Variants in GOLM2 observed in about 807,000 individuals in gnomAD.
GOLM2 encodes the protein protein GOLM2.
In GOLM2, 26 loss-of-function variants were observed where a neutral mutation model predicts 55.9. That is an observed-to-expected ratio of 0.47 (90% CI 0.34 to 0.65). The LOEUF is 0.65. Among genes scored for constraint, GOLM2 ranks in the 30% least tolerant of loss-of-function variants. The pLI is 0.01. For missense variants in GOLM2, 486 were observed against 531.8 expected, an observed-to-expected ratio of 0.91 and a Z score of 0.85; for synonymous variants, 165 against 194.6, an observed-to-expected ratio of 0.85 and a Z score of 1.27.
At chr15:44,411,887 A>G (rs2079640917) in intron 9 of GOLM2, among the ~76,000 whole-genome samples, 1 of 152,140 alleles carries the variant, frequency 6.6e-6, no homozygotes, top group South Asian at 2.1e-4. Context: ...GCTCTCATCA[A>G]AATACTTTTC....
Position 44,371,041 on chromosome 15 carries a change from A to G in GOLM2, c.803-8649A>G, listed in dbSNP as rs567829778. On this transcript the variant is annotated intron_variant, in intron 6 of 9. Coordinates refer to ENST00000299957, the MANE Select transcript of GOLM2 (RefSeq NM_138423.4). ...CCATGAAGTCTCACCCTGTGCATACACAACCTGGGGCTTGGCCAAAGACCT... is the reference window on the plus strand; with the variant it reads ...CCATGAAGTCTCACCCTGTGCATACGCAACCTGGGGCTTGGCCAAAGACCT... Among the ~76,000 whole-genome samples the G allele has an allele frequency of 3.3e-5, 5 of 152,264 alleles. No individual in the cohort carries two copies. The South Asian group carries it at 1.0e-3, about 32-fold the overall frequency.
At chr15:44,369,226 GTGTGTGTGTTTGTA>G (rs1177522378) in intron 6 of GOLM2, among the ~76,000 whole-genome samples, 3 of 144,158 alleles carry the variant, frequency 2.1e-5, no homozygotes, top group African/African-American at 7.8e-5. Context: ...GTGTGTGTGT[GTGTGTGTGTTTGTA>G]TGTGTGTATA....
At chr15:44,346,346 T>C (rs2079124472) in intron 6 of GOLM2, among the ~76,000 whole-genome samples, 1 of 151,490 alleles carries the variant, frequency 6.6e-6, no homozygotes, top group African/African-American at 2.4e-5. Context: ...CTAAATTCCA[T>C]TCCAGAGATT....
intron 6 of GOLM2, among the ~76,000 whole-genome samples, chr15:44,360,349 T>A (rs1021950104): frequency 2.7e-4 from 41 of 152,164 alleles, no homozygotes; most frequent in African/African-American, 9.9e-4. Flanking sequence ...AATAGAAGCA[T>A]GGAGAAAGAT....
intron 6 of GOLM2, among the ~76,000 whole-genome samples, chr15:44,375,768 A>C (rs1014082344): frequency 7.2e-5 from 11 of 152,132 alleles, no homozygotes; most frequent in Non-Finnish European, 1.3e-4. Context: ...GTAACACAGC[A>C]AGACTTCTCA....
chr15:44,406,972 G>A (rs1238896042), intron 9 of GOLM2: 1 of 151,274 alleles, frequency 6.6e-6, no homozygotes, highest in Non-Finnish European at 1.5e-5. Flanking sequence ...ATTGGGGTCA[G>A]CACTACTTGT....
intron 6 of GOLM2, among the ~76,000 whole-genome samples, chr15:44,379,222 A>C (rs775196523): frequency 7.9e-5 from 12 of 152,072 alleles, no homozygotes; most frequent in Non-Finnish European, 1.8e-4. Flanking sequence ...CACACCTATA[A>C]TCCCAGCACT....
chr15:44,337,847 G>T lies in GOLM2; in HGVS notation c.661G>T (p.Ala221Ser). The part of the protein sequence containing the change: ...QVVPKNIPKV[A>S]ENVADKNEEP... ...AGTACCTAAAAATATTCCAAAAGTA[G>T]CTGAGAATGTTGCAGATAAGAATGA... Residue 221 changes from alanine (A) to serine (S), a missense_variant, in exon 5 of 10, where the codon GCT (alanine) becomes TCT (serine). Coordinates refer to ENST00000299957, the MANE Select transcript of GOLM2 (RefSeq NM_138423.4). 6.2e-7 allele frequency: 1 copy of T among 1,604,492 alleles called. No homozygotes were observed. The highest frequency in any genetic ancestry group is 8.5e-7 in the Non-Finnish European group (1 of 1,177,372).
At chr15:44,305,541 A>G (rs78048582) in intron 1 of GOLM2, among the ~76,000 whole-genome samples, 15,801 of 151,164 alleles carry the variant, frequency 0.1, 1,786 homozygotes, top group African/African-American at 0.27. Flanking sequence ...CCAAGTGTCC[A>G]CCCGCCTCTG....
chr15:44,412,819 A>G (rs543199064), intron 9 of GOLM2, among the ~76,000 whole-genome samples: 3 of 152,274 alleles, frequency 2.0e-5, no homozygotes, highest in South Asian at 2.1e-4. Context: ...CCTGGCCAAC[A>G]TGGTAAAACC....
intron 8 of GOLM2, among the ~76,000 whole-genome samples, chr15:44,383,675 C>CTTTTTTT (rs761209421): frequency 3.5e-4 from 44 of 125,888 alleles, no homozygotes; most frequent in East Asian, 8.9e-4. Context: ...TTCTTTTTTT[C>CTTTTTTT]TTTTTTTTTT....
chr15:44,400,210 T>C (rs1013449447), intron 8 of GOLM2, among the ~76,000 whole-genome samples: 31 of 152,194 alleles, frequency 2.0e-4, no homozygotes, highest in Admixed American at 2.0e-3. Flanking sequence ...ATTTATATAT[T>C]GTACATATCC....
intron 9 of GOLM2, among the ~76,000 whole-genome samples, chr15:44,404,798 T>G (rs950933518): frequency 7.9e-5 from 12 of 152,284 alleles, no homozygotes; most frequent in Admixed American, 3.9e-4. Flanking sequence ...CTTTGCACAT[T>G]GTCTTTAACT....
At chr15:44,300,253 A>G (rs944877557) in intron 1 of GOLM2, among the ~76,000 whole-genome samples, 9 of 151,808 alleles carry the variant, frequency 5.9e-5, no homozygotes, top group Admixed American at 4.6e-4. Flanking sequence ...AAAGAAAGGA[A>G]GAAGGGAGGG....
intron 6 of GOLM2, among the ~76,000 whole-genome samples, chr15:44,342,990 T>G (rs555750531): frequency 4.6e-5 from 7 of 152,346 alleles, no homozygotes; most frequent in Admixed American, 3.9e-4. Context: ...GAAATTTAAA[T>G]GTAAAACACT....
chr15:44,393,383 G>C (rs1192462012), intron 8 of GOLM2, among the ~76,000 whole-genome samples: 2 of 152,080 alleles, frequency 1.3e-5, no homozygotes, highest in African/African-American at 4.8e-5. Flanking sequence ...CCATGGATTG[G>C]AATGCTCAAT....
At chr15:44,401,026 G>T (rs573218485) in intron 8 of GOLM2, among the ~76,000 whole-genome samples, 1 of 152,056 alleles carries the variant, frequency 6.6e-6, no homozygotes, top group Non-Finnish European at 1.5e-5. Flanking sequence ...AATTCTATTT[G>T]TACTTAACCT....
intron 8 of GOLM2, among the ~76,000 whole-genome samples, chr15:44,396,610 C>T (rs914456678): frequency 1.3e-5 from 2 of 152,132 alleles, no homozygotes; most frequent in Non-Finnish European, 2.9e-5. Context: ...AGATGTCTTA[C>T]AGAATGTCTA....
intron 6 of GOLM2, among the ~76,000 whole-genome samples, chr15:44,376,250 A>G (rs2141190031): frequency 6.6e-6 from 1 of 152,216 alleles, no homozygotes; most frequent in Non-Finnish European, 1.5e-5. Flanking sequence ...ACAAAACAAA[A>G]CAAAACAAAA....
Sources: gnomAD v4.1 joint callset for allele counts (sites outside exome capture counted in the v4.1 genomes callset) on GRCh38, gnomAD v4.1.1 for gene constraint, MANE v1.5 for transcripts, NCBI Gene and HGNC (gene_info 2026-07-23, HGNC 2026-07-21) for gene names.